The following GATAD2A variants were observed in gnomAD, a reference collection of about 807,000 sequenced individuals.
GATAD2A encodes transcriptional repressor p66-alpha.
In GATAD2A, 12 loss-of-function variants were observed where a neutral mutation model predicts 68.5. The ratio of observed to expected loss-of-function variants is 0.18; its 90% confidence interval spans 0.11 to 0.28. The LOEUF is 0.28. GATAD2A is among the 10% of genes least tolerant of loss of function. The pLI, the probability that GATAD2A is intolerant of heterozygous loss-of-function variation, is 1.00. For missense variants in GATAD2A, 755 were observed against 868.5 expected (o/e 0.87, Z 1.64); for synonymous variants, 410 against 375.3 (o/e 1.09, Z -1.07).
intron 1 of GATAD2A, among the ~76,000 whole-genome samples, chr19:19,436,580 T>C (rs1246229471): frequency 6.6e-6 from 1 of 152,226 alleles, no homozygotes; most frequent in African/African-American, 2.4e-5. Context: ...TTAGACTTTT[T>C]CCTTATTCAC....
chr19:19,496,033 C>T lies in GATAD2A; in HGVS notation c.757-19C>T. 1 of 1,610,670 alleles carries T rather than the reference C, an allele frequency of 6.2e-7. No individual in the cohort carries two copies. The highest frequency in any genetic ancestry group is 8.5e-7 in the Non-Finnish European group (1 of 1,177,348). On this transcript the variant is annotated intron_variant, in intron 6 of 11. Transcript: ENST00000683918. The stretch of plus-strand genomic sequence containing the variant: ...TGATCTCAGTCAGATTTCTTGTTCT[C>T]CCCACCCTACCCCAACAGCAAATCC...
In GATAD2A at chr19:19,495,241, G is replaced by A. The variant is rs931950875; in HGVS notation, c.625-513G>A. On this transcript the variant is annotated intron_variant, in intron 5 of 11. Transcript: ENST00000683918. ...ACCCCTGGGCTCAAGATATCCACCC[G>A]CCTTGGCCTCCCAATGTGTTGGAAT... Among the ~76,000 whole-genome samples, 9 of 151,748 alleles carry A rather than the reference G, an allele frequency of 5.9e-5. No homozygotes were observed. The East Asian group carries it at 1.4e-3, about 23-fold the overall frequency.
intron 2 of GATAD2A, among the ~76,000 whole-genome samples, chr19:19,480,726 CAG>C (rs1021172826): frequency 2.0e-5 from 3 of 152,344 alleles, no homozygotes; most frequent in African/African-American, 7.2e-5. Flanking sequence ...CCAACACCTG[CAG>C]AGGTGCACCC....
chr19:19,414,873 C>A (rs1435407291), intron 1 of GATAD2A, among the ~76,000 whole-genome samples: 1 of 113,298 alleles, frequency 8.8e-6, no homozygotes, highest in Non-Finnish European at 1.7e-5. Flanking sequence ...GTCCTGAGGT[C>A]ATTTTGGGTG....
At chr19:19,408,358 T>G (rs997222084) in intron 1 of GATAD2A, among the ~76,000 whole-genome samples, 3 of 152,210 alleles carry the variant, frequency 2.0e-5, no homozygotes, top group Non-Finnish European at 4.4e-5. Flanking sequence ...GCAGTATCAT[T>G]TGGCAAATCC....
intron 1 of GATAD2A, among the ~76,000 whole-genome samples, chr19:19,394,039 A>G (rs985731889): frequency 2.4e-4 from 36 of 151,806 alleles, no homozygotes; most frequent in Non-Finnish European, 1.0e-4. Context: ...GGCACCTGCC[A>G]CCACGGCTGG....
At chr19:19,492,986 G>C (rs1427313218) in intron 4 of GATAD2A, among the ~76,000 whole-genome samples, 3 of 150,608 alleles carry the variant, frequency 2.0e-5, no homozygotes, top group Non-Finnish European at 4.4e-5. Context: ...CTGTCGCCAG[G>C]CTGGAGTGCA....
chr19:19,448,878 A>G (rs1006979043), intron 1 of GATAD2A, among the ~76,000 whole-genome samples: 1 of 152,140 alleles, frequency 6.6e-6, no homozygotes, highest in Non-Finnish European at 1.5e-5. Context: ...CTTGGGGGTG[A>G]AGACAGGCTT....
intron 1 of GATAD2A, among the ~76,000 whole-genome samples, chr19:19,459,684 A>G (rs2057252724): frequency 6.6e-6 from 1 of 152,212 alleles, no homozygotes; most frequent in South Asian, 2.1e-4. Flanking sequence ...GGGCAGTGGC[A>G]TCCTCTCTTG....
At chr19:19,391,577 TTTGG>T (rs1289334409) in intron 1 of GATAD2A, among the ~76,000 whole-genome samples, 1 of 152,212 alleles carries the variant, frequency 6.6e-6, no homozygotes, top group East Asian at 1.9e-4. Context: ...CAGACTTCAC[TTTGG>T]TGGATGGTGG....
chr19:19,409,373 G>A (rs1568706432), intron 1 of GATAD2A, among the ~76,000 whole-genome samples: 2 of 152,166 alleles, frequency 1.3e-5, no homozygotes, highest in Non-Finnish European at 2.9e-5. Context: ...CTGTCCTGGG[G>A]TAATAGAGCA....
At chr19:19,411,246 C>T (rs1420586821) in intron 1 of GATAD2A, among the ~76,000 whole-genome samples, 1 of 152,234 alleles carries the variant, frequency 6.6e-6, no homozygotes, top group African/African-American at 2.4e-5. Flanking sequence ...TTTCTGATTT[C>T]AGACGTTGTC....
At chr19:19,431,295 C>G (rs1445434264) in intron 1 of GATAD2A, among the ~76,000 whole-genome samples, 1 of 150,686 alleles carries the variant, frequency 6.6e-6, no homozygotes, top group Non-Finnish European at 1.5e-5. Context: ...TGGTTTCCTC[C>G]TCTGTGAATC....
At chr19:19,494,234 G>T in intron 4 of GATAD2A, 60 bp from the exon 5 acceptor site, 1 of 912,718 alleles carries the variant, frequency 1.1e-6, no homozygotes, top group Non-Finnish European at 1.8e-6. Flanking sequence ...TGGCAACTCC[G>T]TGTGAGGAGA....
chr19:19,497,222 A>C (rs1360941241), intron 7 of GATAD2A, among the ~76,000 whole-genome samples: 1 of 152,176 alleles, frequency 6.6e-6, no homozygotes, highest in Non-Finnish European at 1.5e-5. Flanking sequence ...CAGCCTCCCA[A>C]GTAGCTGGGA....
intron 8 of GATAD2A, among the ~76,000 whole-genome samples, chr19:19,500,217 G>A (rs867570905): frequency 9.9e-5 from 15 of 152,198 alleles, no homozygotes; most frequent in Non-Finnish European, 1.9e-4. Context: ...TGGTTCTGGC[G>A]CCGCTCACGC....
At chr19:19,501,853 C>T in intron 9 of GATAD2A, 116 bp from the exon 10 acceptor site, 1 of 740,418 alleles carries the variant, frequency 1.4e-6, no homozygotes, top group Non-Finnish European at 2.3e-6. Context: ...TCTCAAGATC[C>T]CCACTTGGCG....
At chr19:19,453,818 C>T (rs913623422) in intron 1 of GATAD2A, among the ~76,000 whole-genome samples, 7 of 151,798 alleles carry the variant, frequency 4.6e-5, no homozygotes, top group African/African-American at 1.5e-4. Flanking sequence ...TGCCCGCCAC[C>T]ACACCTGGCT....
intron 11 of GATAD2A, 46 bp from the exon 12 acceptor site, chr19:19,505,298 C>T (rs766731596): frequency 6.2e-7 from 1 of 1,600,212 alleles, no homozygotes; most frequent in Non-Finnish European, 8.5e-7. Flanking sequence ...TCCCAGGAGC[C>T]CTCCTGACGA....
Sources: gnomAD v4.1 joint callset for allele counts (sites outside exome capture counted in the v4.1 genomes callset) on GRCh38, gnomAD v4.1.1 for gene constraint, MANE v1.5 for transcripts, NCBI Gene and HGNC (gene_info 2026-07-23, HGNC 2026-07-21) for gene names.